Variants in SAMD12 observed in about 807,000 individuals in gnomAD.
The protein encoded by SAMD12 is sterile alpha motif domain-containing protein 12.
A neutral mutation model predicts 15.0 loss-of-function variants in SAMD12; 9 were observed. The ratio of observed to expected loss-of-function variants is 0.60; its 90% confidence interval spans 0.36 to 1.05. The LOEUF (loss-of-function observed/expected upper bound fraction) is 1.05, where lower values mean the gene tolerates loss of function less well. SAMD12 is among the 50% of genes least tolerant of loss of function. The pLI is 0.01. For synonymous variants in SAMD12, 86 were observed against 90.1 expected, an observed-to-expected ratio of 0.96 and a Z score of 0.25; for missense variants, 230 against 234.2, an observed-to-expected ratio of 0.98 and a Z score of 0.12.
At chr8:118,556,666 A>C (rs1374432426) in intron 2 of SAMD12, among the ~76,000 whole-genome samples, 1 of 152,198 alleles carries the variant, frequency 6.6e-6, no homozygotes, top group African/African-American at 2.4e-5. Flanking sequence ...CAATCTGGTG[A>C]TAGAAATAGA....
the SAMD12 span, among the ~76,000 whole-genome samples, chr8:118,182,086 CAG>C: frequency 6.6e-6 from 1 of 152,160 alleles, no homozygotes; most frequent in Admixed American, 6.5e-5. Flanking sequence ...TCATAAGAAA[CAG>C]ATATTTGAAA....
intron 4 of SAMD12, among the ~76,000 whole-genome samples, chr8:118,342,187 G>A (rs1297657274): frequency 6.6e-6 from 1 of 151,934 alleles, no homozygotes; most frequent in Non-Finnish European, 1.5e-5. Flanking sequence ...AGCTACTCAG[G>A]AGGCTGAGGC....
intron 3 of SAMD12, among the ~76,000 whole-genome samples, chr8:118,403,189 G>A (rs953088327): frequency 6.6e-6 from 1 of 152,138 alleles, no homozygotes; most frequent in African/African-American, 2.4e-5. Flanking sequence ...AAATTCAAGA[G>A]TATTTCCTAA....
chr8:118,503,006 TGCAGA>T (rs1296923302), intron 2 of SAMD12, among the ~76,000 whole-genome samples: 4 of 152,152 alleles, frequency 2.6e-5, no homozygotes, highest in African/African-American at 9.7e-5. Context: ...TAAATAACCA[TGCAGA>T]GCAAAGAATG....
intron 4 of SAMD12, among the ~76,000 whole-genome samples, chr8:118,343,496 G>A (rs1817477134): frequency 6.6e-6 from 1 of 152,020 alleles, no homozygotes; most frequent in Non-Finnish European, 1.5e-5. Flanking sequence ...AGATCTTTGT[G>A]GTTTCCTCTA....
rs1819380190 is a variant in SAMD12, at chr8:118,191,756, T to TTCTCTCTCTCTCTC, written c.*5953_*5954insGAGAGAGAGAGAGA. 2.6e-4 allele frequency: 4 copies of TTCTCTCTCTCTCTC among 15,350 alleles called. 1 individual carries two copies. Among genetic ancestry groups the TTCTCTCTCTCTCTC allele is most frequent in the Admixed American group, 1.3e-3 (1 of 774 alleles). 1.0% of individuals were successfully genotyped at this position (15,350 alleles called of 1,614,324 possible). On this transcript the variant is annotated 3_prime_UTR_variant, in exon 5 of 5. Coordinates refer to the SAMD12 transcript ENST00000409003. Reference sequence around the variant, plus strand: ...TGTGGTTGAAAAAAAATACTGGAGATTATATATATATATATATATATATAT... The same window carrying TTCTCTCTCTCTCTC: ...TGTGGTTGAAAAAAAATACTGGAGATTCTCTCTCTCTCTCTATATATATATATATATATATATAT...
intron 3 of SAMD12, among the ~76,000 whole-genome samples, chr8:118,426,654 C>T (rs750319279): frequency 6.6e-6 from 1 of 152,160 alleles, no homozygotes; most frequent in Non-Finnish European, 1.5e-5. Context: ...AATACTATCA[C>T]TAAATAAATT....
the SAMD12 span, among the ~76,000 whole-genome samples, chr8:118,142,969 G>C: frequency 6.6e-6 from 1 of 152,184 alleles, no homozygotes. Context: ...ACCGGCCAGG[G>C]CCTGTTTATT....
chr8:118,284,090 CA>C (rs1489110750), intron 4 of SAMD12, among the ~76,000 whole-genome samples: 1 of 152,172 alleles, frequency 6.6e-6, no homozygotes, highest in Non-Finnish European at 1.5e-5. Flanking sequence ...CGAAGACTGC[CA>C]AATCTTCCTT....
chr8:118,532,675 A>G (rs1458476278), intron 2 of SAMD12, among the ~76,000 whole-genome samples: 1 of 152,104 alleles, frequency 6.6e-6, no homozygotes, highest in South Asian at 2.1e-4. Context: ...GGGAGGGTGT[A>G]TGTGTCCAGG....
chr8:118,475,295 G>GT (rs1188249666), intron 2 of SAMD12, among the ~76,000 whole-genome samples: 5 of 152,034 alleles, frequency 3.3e-5, no homozygotes, highest in African/African-American at 1.2e-4. Context: ...CTCTCTTGCT[G>GT]TCTCTCTCAC....
At chr8:118,487,996 A>G (rs187707763) in intron 2 of SAMD12, among the ~76,000 whole-genome samples, 195 of 152,342 alleles carry the variant, frequency 1.3e-3, no homozygotes, top group African/African-American at 4.5e-3. Flanking sequence ...TACAACATAC[A>G]GCTAGTGAAT....
At chr8:118,558,833 A>G (rs539104359) in intron 2 of SAMD12, among the ~76,000 whole-genome samples, 23 of 152,328 alleles carry the variant, frequency 1.5e-4, no homozygotes, top group African/African-American at 5.1e-4. Context: ...CTGGGATTAC[A>G]GGCGTGAGCC....
intron 2 of SAMD12, among the ~76,000 whole-genome samples, chr8:118,548,968 C>T (rs915448552): frequency 1.3e-5 from 2 of 152,264 alleles, no homozygotes; most frequent in Non-Finnish European, 2.9e-5. Flanking sequence ...GGCAGCCAGG[C>T]TGGGGGAGGG....
intron 3 of SAMD12, among the ~76,000 whole-genome samples, chr8:118,430,789 G>A (rs568719819): frequency 6.6e-6 from 1 of 152,110 alleles, no homozygotes; most frequent in Non-Finnish European, 1.5e-5. Flanking sequence ...TTTAACCTGA[G>A]TACTTAAAGT....
intron 4 of SAMD12, among the ~76,000 whole-genome samples, chr8:118,324,375 A>T (rs1217196577): frequency 6.6e-6 from 1 of 152,158 alleles, no homozygotes; most frequent in Non-Finnish European, 1.5e-5. Context: ...AAATGTCACA[A>T]TTTTTCTGCT....
intron 4 of SAMD12, among the ~76,000 whole-genome samples, chr8:118,223,249 T>TA (rs1384155453): frequency 6.6e-6 from 1 of 152,184 alleles, no homozygotes; most frequent in Non-Finnish European, 1.5e-5. Flanking sequence ...AATACACTCT[T>TA]ACTTCTAGAG....
rs1811999398 is a variant in SAMD12 at position 118,217,876 on chromosome 8, G to A, written c.434-20144C>T. 3.3e-5 allele frequency among the ~76,000 whole-genome samples: 5 copies of A among 152,128 alleles called. No individual in the cohort carries two copies. In the South Asian group the frequency reaches 8.3e-4, roughly 25 times the overall value. ...AGTGCCTTATTGACTCTGATTTCTGGATGTGCTGTTCCTAATACTTAGAAA... is the reference window on the plus strand; with the variant it reads ...AGTGCCTTATTGACTCTGATTTCTGAATGTGCTGTTCCTAATACTTAGAAA... On this transcript the variant is annotated intron_variant, in intron 4 of 4. Coordinates refer to the SAMD12 transcript ENST00000409003.
At chr8:118,394,211 G>C (rs1260270837) in intron 3 of SAMD12, among the ~76,000 whole-genome samples, 1 of 152,186 alleles carries the variant, frequency 6.6e-6, no homozygotes, top group Non-Finnish European at 1.5e-5. Flanking sequence ...TAAAAGCTAT[G>C]TTGGAATGAG....
Sources: allele counts gnomAD v4.1 joint callset (sites outside exome capture counted in the v4.1 genomes callset), GRCh38; gene constraint gnomAD v4.1.1; transcripts MANE v1.5; gene names NCBI Gene and HGNC (gene_info 2026-07-23, HGNC 2026-07-21).